The following DNAJC1 variants were observed in gnomAD, a reference collection of about 807,000 sequenced individuals.
DNAJC1 encodes the protein dnaJ homolog subfamily C member 1.
In DNAJC1, 58 loss-of-function variants were observed where a neutral mutation model predicts 76.6. The ratio of observed to expected loss-of-function variants is 0.76; its 90% CI spans 0.61 to 0.94. The LOEUF (loss-of-function observed/expected upper bound fraction) is 0.94. Among genes scored for constraint, DNAJC1 ranks in the 40% least tolerant of loss-of-function variants. The pLI is 0.00. For missense variants in DNAJC1, 689 were observed against 677.3 expected (o/e 1.02, Z -0.19); for synonymous variants, 258 against 267.9 (o/e 0.96, Z 0.36).
intron 9 of DNAJC1, among the ~76,000 whole-genome samples, chr10:21,780,481 T>C (rs919701175): frequency 1.3e-5 from 2 of 152,214 alleles, no homozygotes; most frequent in African/African-American, 2.4e-5. Flanking sequence ...CAGAATTTCA[T>C]AGCCAGCCAA....
intron 6 of DNAJC1, among the ~76,000 whole-genome samples, chr10:21,912,037 T>C (rs571809856): frequency 2.0e-5 from 3 of 152,312 alleles, no homozygotes; most frequent in African/African-American, 7.2e-5. Context: ...CTTATCAGGA[T>C]GCAATCGATA....
At chr10:21,831,944 A>G (rs1835362510) in intron 8 of DNAJC1, among the ~76,000 whole-genome samples, 1 of 152,162 alleles carries the variant, frequency 6.6e-6, no homozygotes, top group Non-Finnish European at 1.5e-5. Flanking sequence ...TTAGGTAGAT[A>G]TATATATAAA....
intron 1 of DNAJC1, among the ~76,000 whole-genome samples, chr10:21,974,508 C>CT (rs1471109561): frequency 6.6e-6 from 1 of 152,110 alleles, no homozygotes; most frequent in Non-Finnish European, 1.5e-5. Flanking sequence ...ACACCATAAA[C>CT]TTTTTTATTG....
At chr10:21,845,101 T>C (rs1449175942) in intron 8 of DNAJC1, among the ~76,000 whole-genome samples, 1 of 152,094 alleles carries the variant, frequency 6.6e-6, no homozygotes, top group East Asian at 1.9e-4. Flanking sequence ...ATTGTCTGGG[T>C]TTGGTAGTTA....
chr10:21,928,427 G>C, intron 3 of DNAJC1, 79 bp downstream of exon 3: 1 of 1,243,978 alleles, frequency 8.0e-7, no homozygotes. Flanking sequence ...ATAATAAAAT[G>C]TTTAAGAAGA....
chr10:21,786,463 TAGAG>T (rs1159399044), intron 9 of DNAJC1, among the ~76,000 whole-genome samples: 15 of 23,416 alleles, frequency 6.4e-4, no homozygotes, highest in South Asian at 3.5e-3. Flanking sequence ...TATATATATA[TAGAG>T]AGAGAGAGAG....
chr10:21,946,521 TG>T (rs1361914474), intron 1 of DNAJC1, among the ~76,000 whole-genome samples: 1 of 152,120 alleles, frequency 6.6e-6, no homozygotes, highest in Non-Finnish European at 1.5e-5. Flanking sequence ...TAGTCCCAAA[TG>T]TTAAGGCTGT....
In DNAJC1 at chr10:21,892,245, G is replaced by T. The variant is rs1163564524; in HGVS notation, c.821-9806C>A. On this transcript the variant is annotated intron_variant, in intron 7 of 11. Coordinates refer to ENST00000376980, the MANE Select transcript of DNAJC1 (RefSeq NM_022365.4). Reference sequence around the variant, plus strand: ...GGCAGAAAGAAGAAAACAAAGAAATGATAATAAGAGAGAAAAAATAGGAAA... The same window carrying T: ...GGCAGAAAGAAGAAAACAAAGAAATTATAATAAGAGAGAAAAAATAGGAAA... Among the ~76,000 whole-genome samples the T allele has an allele frequency of 2.6e-5, 4 of 151,768 alleles. No individual in the cohort carries two copies. In the East Asian group the frequency reaches 7.7e-4, roughly 29 times the overall value.
At chr10:21,861,766 C>T (rs1157125270) in intron 8 of DNAJC1, among the ~76,000 whole-genome samples, 3 of 152,016 alleles carry the variant, frequency 2.0e-5, no homozygotes, top group East Asian at 1.9e-4. Context: ...GAAGTTACCC[C>T]GGATGGTCTA....
chr10:21,936,117 C>T (rs1434065594), intron 1 of DNAJC1, among the ~76,000 whole-genome samples: 1 of 152,158 alleles, frequency 6.6e-6, no homozygotes, highest in Non-Finnish European at 1.5e-5. Flanking sequence ...AGAGGTGGGG[C>T]CTCTAAGAAG....
At chr10:21,820,534 C>G (rs1362437059) in intron 8 of DNAJC1, among the ~76,000 whole-genome samples, 1 of 152,194 alleles carries the variant, frequency 6.6e-6, no homozygotes, top group Non-Finnish European at 1.5e-5. Flanking sequence ...GTGGGGATTT[C>G]TCTTAACAGC....
intron 5 of DNAJC1, 88 bp from the exon 6 acceptor site, chr10:21,918,960 T>A (rs999327025): frequency 1.0e-5 from 9 of 884,398 alleles, no homozygotes; most frequent in African/African-American, 6.8e-5. Flanking sequence ...ATAAAGATCA[T>A]GAATTCTTTT....
chr10:21,993,575 T>C (rs1590084298), intron 1 of DNAJC1, among the ~76,000 whole-genome samples: 1 of 152,200 alleles, frequency 6.6e-6, no homozygotes, highest in African/African-American at 2.4e-5. Context: ...TTAATAGCAA[T>C]ATCCAAAGAA....
chr10:21,991,659 A>G lies in DNAJC1; in HGVS notation c.222+11554T>C, dbSNP rs1483414939. ...TGATTTTATCCAAAAACATTTAGCTATATCTACACAATACAGAAATGTTAA... is the reference window on the plus strand; with the variant it reads ...TGATTTTATCCAAAAACATTTAGCTGTATCTACACAATACAGAAATGTTAA... On this transcript the variant is annotated intron_variant, in intron 1 of 11. Transcript: ENST00000376980. 3.9e-5 allele frequency among the ~76,000 whole-genome samples: 6 copies of G among 152,362 alleles called. No individual in the cohort carries two copies. The East Asian group carries it at 7.7e-4, about 20-fold the overall frequency.
At chr10:21,903,082 A>C (rs761049346) in intron 7 of DNAJC1, among the ~76,000 whole-genome samples, 1 of 151,998 alleles carries the variant, frequency 6.6e-6, no homozygotes, top group Non-Finnish European at 1.5e-5. Context: ...GTCCGCCACT[A>C]TGCCTGGCTA....
chr10:21,898,089 T>C (rs1207367257), intron 7 of DNAJC1, among the ~76,000 whole-genome samples: 1 of 152,108 alleles, frequency 6.6e-6, no homozygotes, highest in Non-Finnish European at 1.5e-5. Flanking sequence ...ATGCGGAAAC[T>C]GAAATTAAAA....
At chr10:21,961,669 C>T (rs939607384) in intron 1 of DNAJC1, among the ~76,000 whole-genome samples, 3 of 152,094 alleles carry the variant, frequency 2.0e-5, no homozygotes, top group African/African-American at 2.4e-5. Flanking sequence ...AATAGTTGCA[C>T]AGCATTATAA....
chr10:21,976,955 G>C (rs2131833699), intron 1 of DNAJC1, among the ~76,000 whole-genome samples: 1 of 152,214 alleles, frequency 6.6e-6, no homozygotes, highest in East Asian at 1.9e-4. Context: ...CATTGCAAAA[G>C]CAACCAATCA....
chr10:21,905,805 A>G (rs984507076), intron 6 of DNAJC1, among the ~76,000 whole-genome samples: 3 of 152,102 alleles, frequency 2.0e-5, no homozygotes, highest in African/African-American at 7.2e-5. Flanking sequence ...CTGATGACTA[A>G]CTAAGGTGAA....
Sources: allele counts gnomAD v4.1 joint callset (sites outside exome capture counted in the v4.1 genomes callset), GRCh38; gene constraint gnomAD v4.1.1; transcripts MANE v1.5; gene names NCBI Gene and HGNC (gene_info 2026-07-23, HGNC 2026-07-21).